Variants in USP40 observed in about 807,000 individuals in gnomAD.
USP40 encodes ubiquitin specific peptidase 40, also known as ubiquitin carboxyl-terminal hydrolase 40.
Under a neutral mutation model 166.2 loss-of-function variants are expected in USP40, and 143 were observed. That is an observed-to-expected ratio of 0.86 (90% CI 0.75 to 0.99). The LOEUF (loss-of-function observed/expected upper bound fraction) is 0.99, where lower values mean the gene tolerates loss of function less well. Ranked by LOEUF, USP40 falls within the 50% of genes least tolerant of loss-of-function variation. USP40 has a pLI of 0.00. For missense variants in USP40, 1,444 were observed against 1,479.7 expected, an observed-to-expected ratio of 0.98 and a Z score of 0.40; for synonymous variants, 498 against 524.0, an observed-to-expected ratio of 0.95 and a Z score of 0.68.
At chr2:233,550,912 A>G (rs2125353370) in intron 7 of USP40, among the ~76,000 whole-genome samples, 1 of 152,194 alleles carries the variant, frequency 6.6e-6, no homozygotes, top group East Asian at 1.9e-4. Context: ...AGTGGTACCA[A>G]TTAATGGTGA....
chr2:233,561,218 A>T (rs749106363), intron 3 of USP40: 20 of 1,561,592 alleles, frequency 1.3e-5, no homozygotes, highest in Non-Finnish European at 1.7e-5. Flanking sequence ...GCCAAGAGAA[A>T]ATAAAGTTCA....
At chr2:233,528,765 C>T (rs930098365) in intron 12 of USP40, among the ~76,000 whole-genome samples, 9 of 152,124 alleles carry the variant, frequency 5.9e-5, no homozygotes, top group Admixed American at 4.6e-4. Context: ...CACCCTGTCA[C>T]ATAATCAGGC....
intron 21 of USP40, among the ~76,000 whole-genome samples, chr2:233,507,878 T>C (rs909499721): frequency 2.7e-5 from 4 of 148,336 alleles, no homozygotes; most frequent in Non-Finnish European, 3.0e-5. Context: ...CATGAGGTAA[T>C]GAGTATGCTA....
chr2:233,525,585 AAG>A (rs746809729), intron 13 of USP40, 23 bp from the exon 14 acceptor site: 1 of 1,583,604 alleles, frequency 6.3e-7, no homozygotes, highest in Admixed American at 1.7e-5. Flanking sequence ...AATGAAGGAA[AAG>A]AGAATGTTGA....
Position 233,559,802 on chromosome 2 carries a change from T to C in USP40, c.381+9A>G, listed in dbSNP as rs369044580. ...TGGTAACTCTTCCTTAAAGAGCTGA[T>C]CCTCGTACCTCATTACTGGTCCACC... On this transcript the variant is annotated intron_variant, in intron 4 of 31. Transcript: ENST00000678225. The C allele has an allele frequency of 1.5e-4, 235 of 1,586,592 alleles. No individual in the cohort carries two copies. The highest frequency in any genetic ancestry group is 1.9e-4 in the Non-Finnish European group (223 of 1,163,354).
intron 6 of USP40, among the ~76,000 whole-genome samples, chr2:233,551,860 C>CA (rs2070595952): frequency 6.6e-6 from 1 of 152,204 alleles, no homozygotes; most frequent in South Asian, 2.1e-4. Flanking sequence ...GGCAGGTCTA[C>CA]AGTTCTTTTT....
At chr2:233,524,232 C>T (rs966064548) in intron 15 of USP40, among the ~76,000 whole-genome samples, 3 of 152,180 alleles carry the variant, frequency 2.0e-5, no homozygotes, top group African/African-American at 2.4e-5. Context: ...CGGGTTCAAG[C>T]GATTCGCCTG....
chr2:233,527,368 G>GC (rs1559255704), intron 13 of USP40, 39 bp downstream of exon 13: 1 of 1,594,650 alleles, frequency 6.3e-7, no homozygotes, highest in Non-Finnish European at 8.6e-7. Context: ...TGGAGATGGT[G>GC]CTCGATGTCT....
intron 22 of USP40, among the ~76,000 whole-genome samples, 187 bp from the exon 23 acceptor site, chr2:233,498,799 A>G (rs1432546739): frequency 2.0e-5 from 3 of 152,238 alleles, no homozygotes; most frequent in Non-Finnish European, 4.4e-5. Context: ...ATGAGGTCTC[A>G]TCAAGCTCAC....
intron 8 of USP40, among the ~76,000 whole-genome samples, chr2:233,543,236 A>G (rs75368078): frequency 6.6e-6 from 1 of 152,256 alleles, no homozygotes; most frequent in African/African-American, 2.4e-5. Context: ...AATGCAAGCC[A>G]AAAATAAATA....
intron 30 of USP40, among the ~76,000 whole-genome samples, chr2:233,485,144 C>T (rs570912164): frequency 1.9e-4 from 29 of 152,148 alleles, no homozygotes; most frequent in Non-Finnish European, 2.9e-4. Flanking sequence ...TTGAGTCTGG[C>T]AGGATTATTT....
chr2:233,482,595 G>GTTT (rs575327136), intron 30 of USP40, among the ~76,000 whole-genome samples: 1 of 123,272 alleles, frequency 8.1e-6, no homozygotes, highest in Non-Finnish European at 1.7e-5. Flanking sequence ...TTTTTTTTTT[G>GTTT]TTTTTTTTTT....
Position 233,535,216 on chromosome 2 carries a change from G to T in USP40, c.1171-1437C>A, listed in dbSNP as rs2068850022. Among the ~76,000 whole-genome samples the T allele has an allele frequency of 2.0e-5, 3 of 152,168 alleles. No homozygotes were observed. The South Asian group carries it at 6.2e-4, about 32-fold the overall frequency. On this transcript the variant is annotated intron_variant, in intron 10 of 31. Coordinates refer to ENST00000678225, the MANE Select transcript of USP40 (RefSeq NM_001365479.2). ...TGGCTAACTCCTAAATGGTAGAATG[G>T]ACAGCTCAAAGAGCCCAGCAGAGAG...
intron 20 of USP40, among the ~76,000 whole-genome samples, chr2:233,510,616 CT>C (rs1409865267): frequency 6.6e-6 from 1 of 151,924 alleles, no homozygotes; most frequent in Non-Finnish European, 1.5e-5. Context: ...GTTGGCCAGG[CT>C]GGTGTTGAAC....
rs373147313 is a variant in USP40, at chr2:233,554,456, T to C, written c.617A>G (p.Tyr206Cys). Residue 206 changes from tyrosine to cysteine, a missense_variant, in exon 6 of 32, where the codon TAT (tyrosine) becomes TGT (cysteine). Tyr to Cys is a radical substitution (Grantham distance 194). Coordinates refer to ENST00000678225, the MANE Select transcript of USP40 (RefSeq NM_001365479.2). ...SGLEDALWNM[Y>C]VEEEVFDCDN... The stretch of plus-strand genomic sequence containing the variant: ...ACAATCAAAAACTTCCTCTTCTACA[T>C]ACATGTTCCAGAGAGCATCTTCCAA... 7 of 1,613,462 alleles carry C rather than the reference T, an allele frequency of 4.3e-6. No individual in the cohort carries two copies. Among genetic ancestry groups the C allele is most frequent in the East Asian group, 2.2e-5 (1 of 44,814 alleles).
chr2:233,559,594 TC>T (rs2071395730), intron 4 of USP40, among the ~76,000 whole-genome samples: 1 of 152,112 alleles, frequency 6.6e-6, no homozygotes, highest in Non-Finnish European at 1.5e-5. Context: ...TCCAATCTTC[TC>T]CCCAGCCCCA....
At chr2:233,502,847 CA>C (rs145413940) in intron 21 of USP40, among the ~76,000 whole-genome samples, 1,984 of 151,818 alleles carry the variant, frequency 0.013, 34 homozygotes, top group African/African-American at 0.045. Flanking sequence ...TCATTTCCAA[CA>C]GACACCCTAG....
At position 233,533,570 on chromosome 2, in the gene USP40, G is replaced by A; in HGVS notation, c.1380C>T (p.Ile460=). The change falls in exon 11 of 32, where the codon ATC becomes ATT. Residue 460 remains isoleucine, a synonymous_variant. Transcript: ENST00000678225. ...FDINDSKVQP[I]REKDIEQQFQ... The stretch of plus-strand genomic sequence containing the variant: ...ATTGCTGTTCAATATCCTTTTCCCT[G>A]ATTGGCTGGACTTTAGAATCATTTA... The A allele has an allele frequency of 6.2e-7, 1 of 1,613,800 alleles. No individual in the cohort carries two copies. The highest frequency in any genetic ancestry group is 8.5e-7 in the Non-Finnish European group (1 of 1,179,806).
intron 26 of USP40, chr2:233,489,830 AC>A (rs1399131553): frequency 5.1e-6 from 1 of 196,136 alleles, no homozygotes; most frequent in Non-Finnish European, 1.0e-5. Context: ...GCCCGCTCTA[AC>A]AGTACAACAA....
Sources: gnomAD v4.1 joint callset for allele counts (sites outside exome capture counted in the v4.1 genomes callset) on GRCh38, gnomAD v4.1.1 for gene constraint, MANE v1.5 for transcripts, NCBI Gene and HGNC (gene_info 2026-07-23, HGNC 2026-07-21) for gene names.